RABEP1: variants seen among roughly 807,000 people sequenced by gnomAD.
The protein encoded by RABEP1 is rab GTPase-binding effector protein 1.
Under a neutral mutation model 123.4 loss-of-function variants are expected in RABEP1, and 51 were observed. The ratio of observed to expected loss-of-function variants is 0.41; its 90% confidence interval spans 0.33 to 0.52. The LOEUF (loss-of-function observed/expected upper bound fraction) is 0.52, where lower values mean the gene tolerates loss of function less well. Ranked by LOEUF, RABEP1 falls within the 20% of genes least tolerant of loss-of-function variation. The pLI, the probability that RABEP1 is intolerant of heterozygous loss-of-function variation, is 0.16. For synonymous variants in RABEP1, 347 were observed against 355.2 expected, an observed-to-expected ratio of 0.98 and a Z score of 0.26; for missense variants, 888 against 996.3, an observed-to-expected ratio of 0.89 and a Z score of 1.46.
rs560090693 is a variant in RABEP1, at chr17:5,386,029, C to T, written c.*2806C>T. On this transcript the variant is annotated 3_prime_UTR_variant, in exon 18 of 18. Transcript: ENST00000537505. ...TAGGCTTGAGTTATAAAGCACATTC[C>T]AAATTTTAAATAAAAGCATTTACTC... The T allele has an allele frequency of 5.7e-4, 314 of 553,948 alleles. 6 individuals carry two copies. The South Asian group carries it at 7.5e-3, about 13-fold the overall frequency. 34.3% of individuals were successfully genotyped at this position (553,948 alleles called of 1,614,324 possible). A position where few individuals can be genotyped will look rare whatever the true frequency, so the allele number is the denominator to read the frequency against.
intron 12 of RABEP1, among the ~76,000 whole-genome samples, chr17:5,372,399 C>G (rs528872574): frequency 6.6e-6 from 1 of 151,654 alleles, no homozygotes; most frequent in South Asian, 2.1e-4. Context: ...TGCAGTGAGC[C>G]GAGATCACAC....
At chr17:5,327,258 G>A (rs1336964412) in intron 2 of RABEP1, among the ~76,000 whole-genome samples, 1 of 151,248 alleles carries the variant, frequency 6.6e-6, no homozygotes, top group Non-Finnish European at 1.5e-5. Context: ...TGAGGCAGGA[G>A]AATCGCTTGA....
intron 1 of RABEP1, 100 bp downstream of exon 1, chr17:5,282,620 A>G (rs1444433255): frequency 1.2e-6 from 1 of 849,116 alleles, no homozygotes; most frequent in Non-Finnish European, 1.5e-6. Flanking sequence ...GGGCGCGCGC[A>G]GGCCCCGGGG....
intron 1 of RABEP1, among the ~76,000 whole-genome samples, chr17:5,302,950 T>C (rs1206996147): frequency 1.3e-5 from 2 of 152,220 alleles, no homozygotes; most frequent in East Asian, 3.8e-4. Flanking sequence ...ATGAATACTT[T>C]TTTATGAGCA....
At chr17:5,323,099 C>A (rs545608288) in intron 2 of RABEP1, among the ~76,000 whole-genome samples, 1 of 152,144 alleles carries the variant, frequency 6.6e-6, no homozygotes, top group South Asian at 2.1e-4. Context: ...ACAACAACAA[C>A]AAAAACTGTA....
chr17:5,367,330 G>A (rs1910094212), intron 11 of RABEP1, among the ~76,000 whole-genome samples: 2 of 151,670 alleles, frequency 1.3e-5, no homozygotes, highest in Non-Finnish European at 2.9e-5. Flanking sequence ...AGAGTGCAGT[G>A]GCACGATCTT....
chr17:5,363,210 TTTTTTG>T (rs1257002578), intron 10 of RABEP1, among the ~76,000 whole-genome samples, 194 bp downstream of exon 10: 2 of 151,670 alleles, frequency 1.3e-5, no homozygotes, highest in Non-Finnish European at 2.9e-5. Context: ...TGCTTTTTTT[TTTTTTG>T]TTTTTGTTTT....
chr17:5,378,124 G>A, intron 14 of RABEP1, 53 bp from the exon 15 acceptor site: 2 of 1,403,492 alleles, frequency 1.4e-6, no homozygotes, highest in Non-Finnish European at 9.9e-7. Flanking sequence ...AGAAAAAAAT[G>A]TTCATGCACA....
chr17:5,303,681 A>G (rs2075155548), intron 1 of RABEP1, among the ~76,000 whole-genome samples: 1 of 152,224 alleles, frequency 6.6e-6, no homozygotes, highest in African/African-American at 2.4e-5. Context: ...TTTGAACATC[A>G]TTAAACAAAA....
chr17:5,304,551 C>T (rs1251251246), intron 1 of RABEP1, among the ~76,000 whole-genome samples: 2 of 151,622 alleles, frequency 1.3e-5, no homozygotes, highest in African/African-American at 2.4e-5. Context: ...CACTGCACTC[C>T]AGCCTGGGCA....
intron 2 of RABEP1, among the ~76,000 whole-genome samples, chr17:5,326,547 A>G (rs918030460): frequency 2.0e-5 from 3 of 152,198 alleles, no homozygotes; most frequent in African/African-American, 7.2e-5. Context: ...ATTTTATATG[A>G]TACTGTGGTG....
At chr17:5,331,838 G>T (rs78441253) in intron 2 of RABEP1, 111 bp from the exon 3 acceptor site, 1 of 896,184 alleles carries the variant, frequency 1.1e-6, no homozygotes, top group Non-Finnish European at 1.7e-6. Flanking sequence ...TCTATTAAAA[G>T]GGTGTCATTT....
chr17:5,361,786 GT>G, intron 9 of RABEP1, 111 bp downstream of exon 9: 1 of 893,166 alleles, frequency 1.1e-6, no homozygotes, highest in Non-Finnish European at 1.7e-6. Context: ...GCAGGCACAT[GT>G]TGCCAGCAAG....
At chr17:5,354,630 T>C in intron 8 of RABEP1, 140 bp downstream of exon 8, 1 of 724,762 alleles carries the variant, frequency 1.4e-6, no homozygotes, top group Non-Finnish European at 2.0e-6. Flanking sequence ...AAAATGACAG[T>C]ATTTTCAGTT....
chr17:5,284,232 G>A (rs1473781705), intron 1 of RABEP1, among the ~76,000 whole-genome samples: 1 of 152,174 alleles, frequency 6.6e-6, no homozygotes, highest in Non-Finnish European at 1.5e-5. Flanking sequence ...GCACTTGAAC[G>A]AGGCTAGGGA....
At chr17:5,374,718 C>A (rs1449770559) in intron 13 of RABEP1, among the ~76,000 whole-genome samples, 1 of 152,222 alleles carries the variant, frequency 6.6e-6, no homozygotes, top group Non-Finnish European at 1.5e-5. Flanking sequence ...AGGCTTACTG[C>A]AACCTCTGTC....
rs191370978 is a variant in RABEP1, at chr17:5,290,173, C to T, written c.34+7653C>T. Among the ~76,000 whole-genome samples, 107 of 152,274 alleles carry T rather than the reference C, an allele frequency of 7.0e-4. 1 individual carries two copies. Among genetic ancestry groups the T allele is most frequent in the African/African-American group, 2.1e-3 (89 of 41,560 alleles). ...CACGATCTCAGCTCACTGCAAGCTC[C>T]GCCTCCTGGGTTCACGCCATTCTCC... On this transcript the variant is annotated intron_variant, in intron 1 of 17. Transcript: ENST00000537505.
chr17:5,331,868 A>G (rs780312174), intron 2 of RABEP1, 81 bp from the exon 3 acceptor site: 4 of 1,302,256 alleles, frequency 3.1e-6, no homozygotes, highest in Non-Finnish European at 4.3e-6. Flanking sequence ...ATATTTTAAA[A>G]TTTAATACCT....
Position 5,381,839 on chromosome 17 carries a change from G to C in RABEP1, c.2487+334G>C, listed in dbSNP as rs183763250. On this transcript the variant is annotated intron_variant, in intron 17 of 17. Coordinates refer to ENST00000537505, the MANE Select transcript of RABEP1 (RefSeq NM_004703.6). ...TGTTTTACATGTTTAACTGCTTGTG[G>C]TTCCTCGCCCACAGCGTGGTGTTCT... is the stretch of plus-strand genomic sequence containing the variant. 1.0e-4 allele frequency: 19 copies of C among 185,670 alleles called. 1 individual carries two copies. In the East Asian group the frequency reaches 2.5e-3, roughly 24 times the overall value. 11.5% of individuals were successfully genotyped at this position (185,670 alleles called of 1,614,324 possible). A position where few individuals can be genotyped will look rare whatever the true frequency, so the allele number is the denominator to read the frequency against.
Sources: allele counts gnomAD v4.1 joint callset (sites outside exome capture counted in the v4.1 genomes callset), GRCh38; gene constraint gnomAD v4.1.1; transcripts MANE v1.5; gene names NCBI Gene and HGNC (gene_info 2026-07-23, HGNC 2026-07-21).